Variants in ADAM19 observed in about 807,000 individuals in gnomAD.
The protein encoded by ADAM19 is disintegrin and metalloproteinase domain-containing protein 19.
Under a neutral mutation model 114.7 loss-of-function variants are expected in ADAM19, and 65 were observed. The observed-to-expected ratio is 0.57, with a 90% CI of 0.46 to 0.70. ADAM19 has a LOEUF of 0.70. ADAM19 is among the 30% of genes least tolerant of loss of function. The pLI, the probability that ADAM19 is intolerant of heterozygous loss-of-function variation, is 0.00. For missense variants in ADAM19, 1,063 were observed against 1,204.7 expected, an observed-to-expected ratio of 0.88 and a Z score of 1.74; for synonymous variants, 466 against 460.5, an observed-to-expected ratio of 1.01 and a Z score of -0.15.
At chr5:157,483,250 T>C (rs1158220992) in intron 21 of ADAM19, among the ~76,000 whole-genome samples, 7 of 152,206 alleles carry the variant, frequency 4.6e-5, no homozygotes, top group Non-Finnish European at 1.0e-4. Flanking sequence ...CTAGTAATTC[T>C]ACTTCTTCTG....
chr5:157,562,999 G>A (rs892975977), intron 3 of ADAM19, among the ~76,000 whole-genome samples: 2 of 152,122 alleles, frequency 1.3e-5, no homozygotes, highest in African/African-American at 2.4e-5. Flanking sequence ...ACTTAGACTA[G>A]AGTTAATGGG....
intron 20 of ADAM19, 36 bp from the exon 21 acceptor site, chr5:157,488,525 A>C (rs1233152493): frequency 2.7e-6 from 4 of 1,497,528 alleles, no homozygotes; most frequent in Non-Finnish European, 3.6e-6. Flanking sequence ...TGAGACAAGA[A>C]ATCACTCAGG....
intron 10 of ADAM19, among the ~76,000 whole-genome samples, 165 bp from the exon 11 acceptor site, chr5:157,505,973 G>A (rs969293916): frequency 1.3e-5 from 2 of 152,202 alleles, no homozygotes; most frequent in Admixed American, 1.3e-4. Context: ...TGAATCTGCT[G>A]TCACTAGGAG....
chr5:157,548,928 T>C (rs1281997798), intron 3 of ADAM19, among the ~76,000 whole-genome samples: 1 of 152,106 alleles, frequency 6.6e-6, no homozygotes, highest in Non-Finnish European at 1.5e-5. Flanking sequence ...CAAATCCAAA[T>C]GTATATCCAT....
chr5:157,491,563 T>TGCCC, intron 18 of ADAM19, 52 bp downstream of exon 18: 1 of 1,305,764 alleles, frequency 7.7e-7, no homozygotes, highest in Non-Finnish European at 1.0e-6. Context: ...CTGCCCCTGA[T>TGCCC]GCCCGCTCTT....
chr5:157,563,717 A>C (rs1757574953), intron 3 of ADAM19, among the ~76,000 whole-genome samples: 2 of 152,212 alleles, frequency 1.3e-5, no homozygotes, highest in Admixed American at 6.5e-5. Flanking sequence ...AATGAGCCAC[A>C]GACATAGCCA....
At chr5:157,532,046 A>G (rs1756639949) in intron 4 of ADAM19, among the ~76,000 whole-genome samples, 2 of 152,090 alleles carry the variant, frequency 1.3e-5, no homozygotes, top group Admixed American at 1.3e-4. Context: ...AACACTCCCT[A>G]CTCTTCCACA....
At chr5:157,523,614 A>C (rs1170467823) in intron 5 of ADAM19, among the ~76,000 whole-genome samples, 1 of 152,174 alleles carries the variant, frequency 6.6e-6, no homozygotes, top group African/African-American at 2.4e-5. Flanking sequence ...CCATGAGTGG[A>C]AGCAGCCTGA....
At chr5:157,549,622 G>C (rs545342236) in intron 3 of ADAM19, among the ~76,000 whole-genome samples, 2 of 152,240 alleles carry the variant, frequency 1.3e-5, no homozygotes, top group African/African-American at 4.8e-5. Flanking sequence ...TCTTGCCTTC[G>C]CAGTTCTTTA....
rs201474105 is a variant in ADAM19, at chr5:157,494,661, C to T, written c.1703+26G>A. On this transcript the variant is annotated intron_variant, in intron 15 of 22. Transcript: ENST00000257527. Reference sequence around the variant, plus strand: ...AGAAACTGCTTGTTCATCCTCATTTCATGAGGCCTGCCCTTTGGTCATCAC... The same window carrying T: ...AGAAACTGCTTGTTCATCCTCATTTTATGAGGCCTGCCCTTTGGTCATCAC... 51 of 1,595,360 alleles carry T rather than the reference C, an allele frequency of 3.2e-5. No homozygotes were observed. The East Asian group carries it at 4.9e-4, about 15-fold the overall frequency.
intron 4 of ADAM19, among the ~76,000 whole-genome samples, chr5:157,537,703 T>C (rs917551824): frequency 1.3e-5 from 2 of 152,266 alleles, no homozygotes; most frequent in South Asian, 2.1e-4. Context: ...AAATAGTCTA[T>C]GTTTCTTTAG....
chr5:157,508,617 G>GA (rs1755819926), intron 9 of ADAM19, among the ~76,000 whole-genome samples: 1 of 150,626 alleles, frequency 6.6e-6, no homozygotes, highest in Non-Finnish European at 1.5e-5. Context: ...AAAAAAAAAA[G>GA]AAAAGAAGAC....
At chr5:157,520,220 T>G (rs1199542445) in intron 5 of ADAM19, among the ~76,000 whole-genome samples, 189 bp from the exon 6 acceptor site, 1 of 152,116 alleles carries the variant, frequency 6.6e-6, no homozygotes, top group Non-Finnish European at 1.5e-5. Context: ...TCTAGAGGAA[T>G]GCACTTATAC....
chr5:157,525,480 G>A (rs1449337179), intron 5 of ADAM19, among the ~76,000 whole-genome samples: 2 of 152,096 alleles, frequency 1.3e-5, no homozygotes, highest in African/African-American at 2.4e-5. Context: ...ACTTGCCCAA[G>A]CTCACCTAGC....
chr5:157,499,167 G>C (rs1286257150), intron 13 of ADAM19, among the ~76,000 whole-genome samples: 2 of 151,984 alleles, frequency 1.3e-5, no homozygotes, highest in Non-Finnish European at 2.9e-5. Context: ...TATTTTATGG[G>C]GTTTTTGTGA....
chr5:157,546,290 G>A (rs1026798482), intron 3 of ADAM19, among the ~76,000 whole-genome samples: 2 of 152,224 alleles, frequency 1.3e-5, no homozygotes, highest in African/African-American at 2.4e-5. Flanking sequence ...CAGTTATGGA[G>A]AAGGGATGTA....
chr5:157,497,024 C>T lies in ADAM19; in HGVS notation c.1464G>A (p.Thr488=), dbSNP rs749968564. The T allele has an allele frequency of 3.2e-6, 5 of 1,585,662 alleles. No individual in the cohort carries two copies. Among genetic ancestry groups the T allele is most frequent in the Admixed American group, 3.6e-5 (2 of 54,802 alleles). ...TGGTAGGGCAGTGGGGAGACTTGCC[C>T]GTACAGAACTCCGGGAGGTCACACT... is the stretch of plus-strand genomic sequence containing the variant. ...ARQCDLPEFC[T]GKSPHCPTNF... is the part of the protein sequence containing the mutation. The change falls in exon 14 of 23, where the codon ACG becomes ACA. Residue 488 remains threonine (T), a synonymous_variant. Coordinates refer to ENST00000257527, the MANE Select transcript of ADAM19 (RefSeq NM_033274.5).
At chr5:157,555,568 G>A (rs901687069) in intron 3 of ADAM19, among the ~76,000 whole-genome samples, 6 of 152,154 alleles carry the variant, frequency 3.9e-5, no homozygotes, top group South Asian at 2.1e-4. Flanking sequence ...TGTTCTGGAC[G>A]TTGCATTAGT....
intron 5 of ADAM19, 108 bp downstream of exon 5, chr5:157,530,699 A>T (rs1272901892): frequency 3.2e-6 from 3 of 926,062 alleles, no homozygotes; most frequent in Non-Finnish European, 5.2e-6. Flanking sequence ...GCTTGCACAC[A>T]TTCTCAATGG....
Sources: allele counts gnomAD v4.1 joint callset (sites outside exome capture counted in the v4.1 genomes callset), GRCh38; gene constraint gnomAD v4.1.1; transcripts MANE v1.5; gene names NCBI Gene and HGNC (gene_info 2026-07-23, HGNC 2026-07-21).